Variants in ZNF567 observed in about 807,000 individuals in gnomAD.
ZNF567 encodes zinc finger protein 567.
In ZNF567, 36 loss-of-function variants were observed where a neutral mutation model predicts 53.9. The observed-to-expected ratio is 0.67, with a 90% confidence interval of 0.51 to 0.88. ZNF567 has a LOEUF of 0.88. Ranked by LOEUF, ZNF567 falls within the 40% of genes least tolerant of loss-of-function variation. The pLI, the probability that ZNF567 is intolerant of heterozygous loss-of-function variation, is 0.00. For synonymous variants in ZNF567, 224 were observed against 260.4 expected, an observed-to-expected ratio of 0.86 and a Z score of 1.35; for missense variants, 619 against 764.7, an observed-to-expected ratio of 0.81 and a Z score of 2.25.
In ZNF567 at chr19:36,707,672, G is replaced by T. The variant is rs2039567139; in HGVS notation, c.10-4714G>T. Among the ~76,000 whole-genome samples the T allele has an allele frequency of 2.6e-5, 4 of 152,056 alleles. No individual in the cohort carries two copies. The South Asian group carries it at 8.3e-4, about 32-fold the overall frequency. On this transcript the variant is annotated intron_variant, in intron 3 of 5. Transcript: ENST00000682579. ...AGCTCACTGCAACCTCTGCCTTCCGGGTTTAAGTGATTCTCCTGCCTCAGC... is the reference window on the plus strand; with the variant it reads ...AGCTCACTGCAACCTCTGCCTTCCGTGTTTAAGTGATTCTCCTGCCTCAGC...
intron 3 of ZNF567, among the ~76,000 whole-genome samples, chr19:36,707,518 T>A (rs1379726809): frequency 6.6e-6 from 1 of 152,238 alleles, no homozygotes; most frequent in Non-Finnish European, 1.5e-5. Flanking sequence ...CTTCCATTTC[T>A]CTCATGTTTA....
rs942616620 is a variant in ZNF567 at position 36,719,472 on chromosome 19, G to A, written c.748G>A (p.Glu250Lys). Residue 250 changes from glutamate to lysine, a missense_variant, in exon 6 of 6, where the codon GAA becomes AAA. Coordinates refer to ENST00000682579, the MANE Select transcript of ZNF567 (RefSeq NM_001322917.1). ...TAAAAAAAGAAGAGCAACCAATATT[G>A]AAAAAAAACATACATGCAATGAATG... ...YNKKRRATNI[E>K]KKHTCNECGK... 3 of 1,609,234 alleles carry A rather than the reference G, an allele frequency of 1.9e-6. No individual in the cohort carries two copies. Among genetic ancestry groups the A allele is most frequent in the East Asian group, 2.2e-5 (1 of 44,828 alleles).
At chr19:36,702,181 T>G (rs1406334466) in intron 3 of ZNF567, among the ~76,000 whole-genome samples, 1 of 152,166 alleles carries the variant, frequency 6.6e-6, no homozygotes, top group Non-Finnish European at 1.5e-5. Flanking sequence ...CCTTCACTTA[T>G]GAAGCTTAGT....
Position 36,688,521 on chromosome 19 carries a change from A to T in ZNF567, c.-167-876A>T, listed in dbSNP as rs1433982709. Among the ~76,000 whole-genome samples the T allele has an allele frequency of 4.6e-5, 7 of 152,096 alleles. 1 individual carries two copies. Among genetic ancestry groups the T allele is most frequent in the Admixed American group, 2.6e-4 (4 of 15,278 alleles). ...ATTTTCAGAGGGTAAGATTGGGCCC[A>T]TGCGGGCCGGGCGCGGTGGCTCACG... On this transcript the variant is annotated intron_variant, in intron 1 of 5. Transcript: ENST00000682579.
At chr19:36,697,004 A>T (rs1309560298) in intron 3 of ZNF567, among the ~76,000 whole-genome samples, 2 of 152,202 alleles carry the variant, frequency 1.3e-5, no homozygotes, top group African/African-American at 4.8e-5. Context: ...ATAGCATCAG[A>T]TGGAAAGTGC....
intron 5 of ZNF567, among the ~76,000 whole-genome samples, chr19:36,718,735 A>G (rs2040178159): frequency 6.6e-6 from 1 of 152,022 alleles, no homozygotes; most frequent in African/African-American, 2.4e-5. Context: ...TTTAGTGCAA[A>G]ATGCAAAAGG....
intron 3 of ZNF567, among the ~76,000 whole-genome samples, chr19:36,705,744 T>C (rs2039458156): frequency 6.6e-6 from 1 of 152,232 alleles, no homozygotes; most frequent in South Asian, 2.1e-4. Context: ...GTTAAAGCAA[T>C]GACTGAAGGA....
At chr19:36,710,676 C>G (rs1049608880) in intron 3 of ZNF567, among the ~76,000 whole-genome samples, 2 of 152,124 alleles carry the variant, frequency 1.3e-5, no homozygotes, top group Non-Finnish European at 2.9e-5. Flanking sequence ...TTCTCTCAAT[C>G]AAGGAATTGG....
intron 3 of ZNF567, among the ~76,000 whole-genome samples, chr19:36,705,021 G>A (rs1011055626): frequency 6.6e-6 from 1 of 152,112 alleles, no homozygotes; most frequent in African/African-American, 2.4e-5. Context: ...TCCTTTTGAT[G>A]TTTGTATAAT....
At chr19:36,724,321 A>G (rs1026160152), downstream of ZNF567, among the ~76,000 whole-genome samples, 2 of 149,992 alleles carry the variant, frequency 1.3e-5, no homozygotes, top group African/African-American at 4.9e-5. Flanking sequence ...TAATTTTTTT[A>G]ACAATCATCA....
chr19:36,719,906 T>C lies in ZNF567; in HGVS notation c.1182T>C (p.Ile394=). The C allele has an allele frequency of 6.2e-7, 1 of 1,604,054 alleles. No homozygotes were observed. Among genetic ancestry groups the C allele is most frequent in the Middle Eastern group, 1.7e-4 (1 of 6,024 alleles). ...QRIHTGEKPY[I]CKECGKSFHQ... ...TCCATACAGGTGAGAAACCCTACAT[T>C]TGTAAAGAATGTGGGAAGTCCTTTC... Residue 394 remains isoleucine, a synonymous_variant, in exon 6 of 6, where the codon ATT becomes ATC. Coordinates refer to ENST00000682579, the MANE Select transcript of ZNF567 (RefSeq NM_001322917.1).
chr19:36,725,622 G>T (rs188980324), downstream of ZNF567, among the ~76,000 whole-genome samples: 2 of 152,108 alleles, frequency 1.3e-5, no homozygotes, highest in Admixed American at 6.6e-5. Context: ...GCCAAATTTG[G>T]TGAGTTCTTA....
chr19:36,679,291 A>T, the ZNF567 span, among the ~76,000 whole-genome samples: 1 of 152,126 alleles, frequency 6.6e-6, no homozygotes, highest in Non-Finnish European at 1.5e-5. Flanking sequence ...ATCCCCCCCA[A>T]AAAAACCACA....
downstream of ZNF567, among the ~76,000 whole-genome samples, chr19:36,725,168 T>C (rs2040330609): frequency 6.7e-6 from 1 of 149,124 alleles, no homozygotes; most frequent in Non-Finnish European, 1.5e-5. Flanking sequence ...TCTTACTACT[T>C]TCAAGATTTT....
downstream of ZNF567, among the ~76,000 whole-genome samples, chr19:36,721,738 TTTTTTC>T (rs1228383800): frequency 1.9e-5 from 2 of 104,020 alleles, no homozygotes; most frequent in South Asian, 2.8e-4. Flanking sequence ...GAGTCTTTTT[TTTTTTC>T]TTTTTTTTTT....
chr19:36,689,484 C>A lies in ZNF567; in HGVS notation c.-80C>A, dbSNP rs865782361. 6.6e-6 allele frequency: 1 copy of A among 152,034 alleles called. No individual in the cohort carries two copies. The highest frequency in any genetic ancestry group is 6.6e-5 in the Admixed American group (1 of 15,264). 9.4% of individuals were successfully genotyped at this position (152,034 alleles called of 1,614,324 possible). On this transcript the variant is annotated 5_prime_UTR_variant, in exon 2 of 6. Coordinates refer to ENST00000682579, the MANE Select transcript of ZNF567 (RefSeq NM_001322917.1). ...AAGAAGAGGCTAACATGACTGATAC[C>A]ACTATAATTTAGTGTAAGTCATCTC...
At chr19:36,676,055 CTTTTTTTTTTTTTT>C in the ZNF567 span, among the ~76,000 whole-genome samples, 4 of 60,596 alleles carry the variant, frequency 6.6e-5, no homozygotes, top group African/African-American at 2.2e-4. Context: ...TATTCTACAC[CTTTTTTTTTTTTTT>C]TTTTTTTTTT....
chr19:36,713,911 G>A (rs2039914296), intron 5 of ZNF567, among the ~76,000 whole-genome samples: 1 of 152,108 alleles, frequency 6.6e-6, no homozygotes, highest in Admixed American at 6.6e-5. Context: ...CTCCAGCCTG[G>A]GCAACAGAGC....
chr19:36,706,699 G>A (rs73609113), intron 3 of ZNF567, among the ~76,000 whole-genome samples: 18 of 136,628 alleles, frequency 1.3e-4, no homozygotes, highest in Middle Eastern at 8.1e-3. Context: ...TTTGAGACAG[G>A]ATCTTGTTCT....
Sources: gnomAD v4.1 joint callset for allele counts (sites outside exome capture counted in the v4.1 genomes callset) on GRCh38, gnomAD v4.1.1 for gene constraint, MANE v1.5 for transcripts, NCBI Gene and HGNC (gene_info 2026-07-23, HGNC 2026-07-21) for gene names.